Variants in MGAT4C observed in about 807,000 individuals in gnomAD.
MGAT4C encodes alpha-1,3-mannosyl-glycoprotein 4-beta-N-acetylglucosaminyltransferase C.
MGAT4C carries 19 observed loss-of-function variants against 40.1 expected under a neutral mutation model. That is an observed-to-expected ratio of 0.47 (90% CI 0.33 to 0.70). The LOEUF (loss-of-function observed/expected upper bound fraction) is 0.70. MGAT4C is among the 30% of genes least tolerant of loss of function. The pLI, the probability that MGAT4C is intolerant of heterozygous loss-of-function variation, is 0.02. For synonymous variants in MGAT4C, 181 were observed against 187.1 expected (o/e 0.97, Z 0.27); for missense variants, 491 against 563.2 (o/e 0.87, Z 1.30).
intron 1 of MGAT4C, among the ~76,000 whole-genome samples, chr12:86,153,894 C>T (rs770940686): frequency 6.6e-6 from 1 of 152,098 alleles, no homozygotes; most frequent in Non-Finnish European, 1.5e-5. Flanking sequence ...TAATACACTC[C>T]CCATGCTCCA....
intron 2 of MGAT4C, among the ~76,000 whole-genome samples, chr12:86,489,156 A>T (rs1249996411): frequency 6.6e-6 from 1 of 152,148 alleles, no homozygotes; most frequent in Non-Finnish European, 1.5e-5. Context: ...GCTGGATATC[A>T]GGGAGAAGCG....
intron 2 of MGAT4C, among the ~76,000 whole-genome samples, chr12:86,539,768 C>T (rs991922591): frequency 5.3e-5 from 8 of 152,160 alleles, no homozygotes; most frequent in African/African-American, 1.4e-4. Flanking sequence ...TCTCTGATGG[C>T]CAGTTATGAT....
At chr12:86,262,854 T>C (rs1175806390) in intron 4 of MGAT4C, among the ~76,000 whole-genome samples, 1 of 152,048 alleles carries the variant, frequency 6.6e-6, no homozygotes, top group Non-Finnish European at 1.5e-5. Flanking sequence ...TACTAAAATA[T>C]TTTACTTATT....
At chr12:86,818,434 G>A (rs1368113464) in intron 1 of MGAT4C, among the ~76,000 whole-genome samples, 1 of 151,218 alleles carries the variant, frequency 6.6e-6, no homozygotes, top group Non-Finnish European at 1.5e-5. Flanking sequence ...AAGAAGCAGA[G>A]AGGGATAAGG....
chr12:86,642,116 G>A (rs1407182400), intron 2 of MGAT4C, among the ~76,000 whole-genome samples: 1 of 151,802 alleles, frequency 6.6e-6, no homozygotes, highest in Non-Finnish European at 1.5e-5. Flanking sequence ...CCTACAAATT[G>A]GAGGAGTAAT....
At chr12:86,601,020 G>A (rs1961751930) in intron 2 of MGAT4C, among the ~76,000 whole-genome samples, 2 of 152,228 alleles carry the variant, frequency 1.3e-5, no homozygotes, top group Admixed American at 1.3e-4. Flanking sequence ...GTGCTGACAC[G>A]CCAGCTCCCC....
intron 2 of MGAT4C, among the ~76,000 whole-genome samples, chr12:86,628,543 A>G (rs1330361753): frequency 6.6e-6 from 1 of 152,204 alleles, no homozygotes; most frequent in Non-Finnish European, 1.5e-5. Flanking sequence ...CTAATAGCAG[A>G]TCTGTCGGCA....
At chr12:85,986,628 C>A (rs1279592638) in intron 3 of MGAT4C, among the ~76,000 whole-genome samples, 3 of 152,138 alleles carry the variant, frequency 2.0e-5, no homozygotes, top group Non-Finnish European at 4.4e-5. Context: ...AACTATTCAC[C>A]TGATATCTCT....
At chr12:86,390,904 C>T (rs188221289) in intron 3 of MGAT4C, among the ~76,000 whole-genome samples, 2 of 152,168 alleles carry the variant, frequency 1.3e-5, no homozygotes, top group East Asian at 3.9e-4. Flanking sequence ...AAGAGTTGAC[C>T]TCAATTCTTC....
chr12:86,452,198 T>C lies in MGAT4C; in HGVS notation c.-228-16933A>G, dbSNP rs564194836. 6.7e-3 allele frequency among the ~76,000 whole-genome samples: 997 copies of C among 148,418 alleles called. 10 individuals carry two copies. The highest frequency in any genetic ancestry group is 0.023 in the African/African-American group (950 of 40,438). On this transcript the variant is annotated intron_variant, in intron 2 of 7. Coordinates refer to the MGAT4C transcript ENST00000548651. ...AACTAGGGCCATTCTTTTTTTTTTC[T>C]TTTTTTTTTATATACTTTTTTATTA...
chr12:86,417,090 T>TA (rs1456906549), intron 3 of MGAT4C, among the ~76,000 whole-genome samples: 1 of 152,118 alleles, frequency 6.6e-6, no homozygotes, highest in African/African-American at 2.4e-5. Context: ...ATACATCCAA[T>TA]AAAAATTATC....
At chr12:86,256,129 T>C (rs1952505767) in intron 1 of MGAT4C, 110 bp downstream of exon 1, 1 of 152,130 alleles carries the variant, frequency 6.6e-6, no homozygotes, top group South Asian at 2.1e-4. Flanking sequence ...TAAACATTCC[T>C]GAATAAAAGC....
chr12:86,287,288 A>G (rs1218828223), intron 4 of MGAT4C, among the ~76,000 whole-genome samples: 2 of 151,876 alleles, frequency 1.3e-5, no homozygotes, highest in Non-Finnish European at 2.9e-5. Flanking sequence ...AATAATAGTC[A>G]TTCTGACTGG....
chr12:86,705,094 C>G (rs1950430639), intron 2 of MGAT4C, among the ~76,000 whole-genome samples: 1 of 152,042 alleles, frequency 6.6e-6, no homozygotes, highest in Non-Finnish European at 1.5e-5. Context: ...TAAGCATTGC[C>G]TTTTCCAGAA....
At chr12:86,575,739 G>A (rs1593002797) in intron 2 of MGAT4C, among the ~76,000 whole-genome samples, 1 of 151,752 alleles carries the variant, frequency 6.6e-6, no homozygotes, top group Non-Finnish European at 1.5e-5. Context: ...TGGGATTGCT[G>A]GATAATATAG....
At chr12:86,746,828 G>T (rs965627817) in intron 1 of MGAT4C, among the ~76,000 whole-genome samples, 4 of 151,484 alleles carry the variant, frequency 2.6e-5, no homozygotes, top group African/African-American at 9.7e-5. Context: ...CTTCTGAGTT[G>T]CCGTAGAGAC....
chr12:86,768,073 A>T (rs946400699), intron 1 of MGAT4C, among the ~76,000 whole-genome samples: 26 of 152,178 alleles, frequency 1.7e-4, no homozygotes, highest in Non-Finnish European at 3.5e-4. Context: ...GAGGAAGTCA[A>T]ATTATCCCTG....
At chr12:86,214,766 A>C (rs1466512380) in intron 1 of MGAT4C, among the ~76,000 whole-genome samples, 1 of 152,210 alleles carries the variant, frequency 6.6e-6, no homozygotes, top group East Asian at 1.9e-4. Context: ...TCCACATATA[A>C]ATTTTAGAAG....
chr12:86,533,250 G>T (rs1380530976), intron 2 of MGAT4C, among the ~76,000 whole-genome samples: 2 of 152,110 alleles, frequency 1.3e-5, no homozygotes, highest in South Asian at 4.1e-4. Flanking sequence ...ATCTTGATGA[G>T]CTACTCTTCC....
Sources: gnomAD v4.1 joint callset for allele counts (sites outside exome capture counted in the v4.1 genomes callset) on GRCh38, gnomAD v4.1.1 for gene constraint, MANE v1.5 for transcripts, NCBI Gene and HGNC (gene_info 2026-07-23, HGNC 2026-07-21) for gene names.